The following WWOX variants were observed in gnomAD, a reference collection of about 807,000 sequenced individuals.
The protein encoded by WWOX is WW domain-containing oxidoreductase.
A neutral mutation model predicts 46.2 loss-of-function variants in WWOX; 69 were observed. The observed-to-expected ratio is 1.49, with a 90% CI of 1.23 to 1.82. The LOEUF is 1.82. Among genes scored for constraint, WWOX ranks in the 40% most tolerant of loss-of-function variants. The pLI, the probability that WWOX is intolerant of heterozygous loss-of-function variation, is 0.00. For synonymous variants in WWOX, 359 were observed against 202.6 expected (o/e 1.77, Z -6.56); for missense variants, 919 against 542.6 (o/e 1.69, Z -6.89).
intron 5 of WWOX, among the ~76,000 whole-genome samples, chr16:78,245,724 G>C (rs188742143): frequency 6.6e-6 from 1 of 152,306 alleles, no homozygotes; most frequent in African/African-American, 2.4e-5. Context: ...CGGTCCTGAG[G>C]CTTCTGAAAG....
At chr16:78,744,030 C>G (rs1424427826) in intron 8 of WWOX, among the ~76,000 whole-genome samples, 3 of 152,082 alleles carry the variant, frequency 2.0e-5, no homozygotes, top group Non-Finnish European at 2.9e-5. Context: ...ATTCTTTATT[C>G]AAAACGCCAA....
intron 8 of WWOX, among the ~76,000 whole-genome samples, chr16:79,166,729 C>G (rs144606437): frequency 1.4e-4 from 21 of 152,274 alleles, no homozygotes; most frequent in African/African-American, 5.1e-4. Context: ...ACTTCCAGCA[C>G]CTGCTCAGAT....
chr16:78,685,404 C>G (rs1435012048), intron 8 of WWOX, among the ~76,000 whole-genome samples: 1 of 152,210 alleles, frequency 6.6e-6, no homozygotes, highest in Non-Finnish European at 1.5e-5. Context: ...AGAGCTAAGT[C>G]TGTCTATGGT....
intron 8 of WWOX, among the ~76,000 whole-genome samples, chr16:78,741,308 C>A (rs567323571): frequency 1.3e-5 from 2 of 152,190 alleles, no homozygotes; most frequent in Non-Finnish European, 2.9e-5. Flanking sequence ...CGCCTGTAAT[C>A]CCAGCATTTT....
At chr16:78,967,169 C>T (rs990748831) in intron 8 of WWOX, among the ~76,000 whole-genome samples, 2 of 151,968 alleles carry the variant, frequency 1.3e-5, no homozygotes, top group African/African-American at 2.4e-5. Context: ...CTGAGAAGCC[C>T]ATCAGCCCTG....
intron 8 of WWOX, among the ~76,000 whole-genome samples, chr16:78,588,345 T>G (rs2045268543): frequency 6.6e-6 from 1 of 152,156 alleles, no homozygotes; most frequent in African/African-American, 2.4e-5. Flanking sequence ...CCAGCCTGAT[T>G]TATTGAGGCT....
At chr16:78,566,893 A>C (rs1340907095) in intron 8 of WWOX, among the ~76,000 whole-genome samples, 5 of 152,222 alleles carry the variant, frequency 3.3e-5, no homozygotes, top group Non-Finnish European at 7.3e-5. Flanking sequence ...CAAAGGGGTC[A>C]CGTCTCTGTG....
At chr16:78,857,474 C>G (rs1280126728) in intron 8 of WWOX, among the ~76,000 whole-genome samples, 1 of 152,122 alleles carries the variant, frequency 6.6e-6, no homozygotes, top group Admixed American at 6.5e-5. Flanking sequence ...CAGCCTCATT[C>G]CTGATAAATT....
intron 8 of WWOX, among the ~76,000 whole-genome samples, chr16:78,622,870 C>G (rs1234281504): frequency 6.6e-6 from 1 of 152,130 alleles, no homozygotes; most frequent in Non-Finnish European, 1.5e-5. Context: ...AGGGGAAAAT[C>G]CCTTAAAGAG....
At chr16:78,291,019 A>C (rs1332655137) in intron 5 of WWOX, among the ~76,000 whole-genome samples, 1 of 152,154 alleles carries the variant, frequency 6.6e-6, no homozygotes, top group Non-Finnish European at 1.5e-5. Context: ...TCTTATTTAC[A>C]TTATACTTAG....
intron 8 of WWOX, among the ~76,000 whole-genome samples, chr16:78,601,467 C>G (rs1036450547): frequency 2.1e-4 from 31 of 150,830 alleles, no homozygotes; most frequent in Non-Finnish European, 3.8e-4. Context: ...AGGAAAAAAA[C>G]CAGAAAGGAG....
intron 8 of WWOX, among the ~76,000 whole-genome samples, chr16:78,556,952 C>T (rs1567642309): frequency 6.6e-6 from 1 of 152,108 alleles, no homozygotes; most frequent in East Asian, 1.9e-4. Context: ...CTCTTGACCT[C>T]AGGTGATTCA....
chr16:78,839,233 T>A (rs2052072825), intron 8 of WWOX, among the ~76,000 whole-genome samples: 1 of 152,208 alleles, frequency 6.6e-6, no homozygotes, highest in Non-Finnish European at 1.5e-5. Context: ...GAGAGTCACC[T>A]GCTCTATTTT....
chr16:79,030,892 A>T (rs543896473), intron 8 of WWOX, among the ~76,000 whole-genome samples: 4 of 152,148 alleles, frequency 2.6e-5, no homozygotes, highest in African/African-American at 9.6e-5. Flanking sequence ...AGACCAGCTT[A>T]GGGAACATAG....
chr16:78,845,640 A>G (rs148427409), intron 8 of WWOX, among the ~76,000 whole-genome samples: 2 of 152,350 alleles, frequency 1.3e-5, no homozygotes, highest in African/African-American at 4.8e-5. Flanking sequence ...CACAAGGCAA[A>G]AAATAACTCC....
In WWOX at chr16:78,523,188, G is replaced by A. The variant is rs74029522; in HGVS notation, c.1056+90436G>A. On this transcript the variant is annotated intron_variant, in intron 8 of 8. Coordinates refer to ENST00000566780, the MANE Select transcript of WWOX (RefSeq NM_016373.4). ...CCTAAATTTATCAAAGGTGGTGGCA[G>A]TAATAGTAATAATTACCATCTTCAT... Among the ~76,000 whole-genome samples, 1,337 of 152,356 alleles carry A rather than the reference G, an allele frequency of 8.8e-3. 22 individuals are homozygous for A. The highest frequency in any genetic ancestry group is 0.031 in the African/African-American group (1,271 of 41,580).
chr16:78,642,598 C>T (rs546920963), intron 8 of WWOX, among the ~76,000 whole-genome samples: 7 of 152,192 alleles, frequency 4.6e-5, no homozygotes, highest in Non-Finnish European at 1.0e-4. Flanking sequence ...CAAGTTGAGT[C>T]TCCATGTTTT....
chr16:78,831,161 T>C (rs1354722615), intron 8 of WWOX, among the ~76,000 whole-genome samples: 3 of 152,146 alleles, frequency 2.0e-5, no homozygotes, highest in Admixed American at 6.5e-5. Flanking sequence ...CCACTCAGAA[T>C]TTGGGGGCTG....
At chr16:78,732,038 A>G (rs2048982513) in intron 8 of WWOX, among the ~76,000 whole-genome samples, 1 of 151,618 alleles carries the variant, frequency 6.6e-6, no homozygotes, top group African/African-American at 2.4e-5. Context: ...CAAACAAAAC[A>G]CTTTTTGTAG....
Sources: allele counts gnomAD v4.1 joint callset (sites outside exome capture counted in the v4.1 genomes callset), GRCh38; gene constraint gnomAD v4.1.1; transcripts MANE v1.5; gene names NCBI Gene and HGNC (gene_info 2026-07-23, HGNC 2026-07-21).